Variants in SUMF1 observed in about 807,000 individuals in gnomAD.
SUMF1 encodes formylglycine-generating enzyme.
In SUMF1, 48 loss-of-function variants were observed where a neutral mutation model predicts 47.6. The ratio of observed to expected loss-of-function variants is 1.01; its 90% CI spans 0.80 to 1.28. The LOEUF (loss-of-function observed/expected upper bound fraction) is 1.28, where lower values mean the gene tolerates loss of function less well. Ranked by LOEUF, SUMF1 falls within the 50% of genes most tolerant of loss-of-function variation. The probability of loss-of-function intolerance (pLI) is 0.00; values close to 1 mark genes in which losing one functional copy is unlikely to be tolerated. For synonymous variants in SUMF1, 230 were observed against 192.1 expected (o/e 1.20, Z -1.63); for missense variants, 571 against 485.4 (o/e 1.18, Z -1.66).
intron 1 of SUMF1, among the ~76,000 whole-genome samples, chr3:4,464,763 T>C (rs1182022042): frequency 6.6e-6 from 1 of 152,240 alleles, no homozygotes; most frequent in Non-Finnish European, 1.5e-5. Context: ...CAGCCTCCTA[T>C]GACGTCATTG....
At chr3:4,215,208 C>T (rs1428505846) in intron 8 of SUMF1, among the ~76,000 whole-genome samples, 6 of 152,124 alleles carry the variant, frequency 3.9e-5, no homozygotes, top group African/African-American at 1.2e-4. Flanking sequence ...ACGATCAAGT[C>T]GGCTTCATCT....
At chr3:4,166,527 A>G (rs569116575) in intron 8 of SUMF1, among the ~76,000 whole-genome samples, 22 of 152,300 alleles carry the variant, frequency 1.4e-4, no homozygotes, top group African/African-American at 5.1e-4. Context: ...AAGGGAACAG[A>G]GTCCCAAAAT....
At chr3:4,427,154 A>G (rs997475211) in intron 3 of SUMF1, among the ~76,000 whole-genome samples, 26 of 152,264 alleles carry the variant, frequency 1.7e-4, no homozygotes, top group African/African-American at 6.3e-4. Context: ...CAGGAAAAAG[A>G]AAGCTCTGTA....
chr3:4,155,084 G>A (rs890738274), intron 8 of SUMF1, among the ~76,000 whole-genome samples: 1 of 151,472 alleles, frequency 6.6e-6, no homozygotes, highest in Non-Finnish European at 1.5e-5. Flanking sequence ...GTTTGCTGAG[G>A]AAGACATTAG....
At chr3:4,182,391 T>C in intron 8 of SUMF1, among the ~76,000 whole-genome samples, 1 of 148,662 alleles carries the variant, frequency 6.7e-6, no homozygotes, top group South Asian at 2.1e-4. Context: ...TAATAAATTA[T>C]ATTATAATTT....
chr3:4,164,965 T>C (rs888741384), intron 8 of SUMF1, among the ~76,000 whole-genome samples: 36 of 152,114 alleles, frequency 2.4e-4, no homozygotes, highest in Non-Finnish European at 1.8e-4. Context: ...ATTCATGGGC[T>C]TTTTCCTAAT....
At chr3:4,248,019 A>G (rs1348303877) in intron 8 of SUMF1, among the ~76,000 whole-genome samples, 3 of 152,224 alleles carry the variant, frequency 2.0e-5, no homozygotes, top group African/African-American at 7.2e-5. Context: ...ATATTTTGTA[A>G]AATGCAAATT....
intron 8 of SUMF1, among the ~76,000 whole-genome samples, chr3:4,352,304 C>G (rs532651126): frequency 6.6e-6 from 1 of 152,244 alleles, no homozygotes; most frequent in Non-Finnish European, 1.5e-5. Context: ...CAGTTCCCCC[C>G]CAAAAACTAC....
chr3:4,311,957 G>A (rs1026138150), intron 8 of SUMF1, among the ~76,000 whole-genome samples: 7 of 152,160 alleles, frequency 4.6e-5, no homozygotes, highest in African/African-American at 1.7e-4. Flanking sequence ...CCAGAGATCA[G>A]GCTTCACATA....
intron 7 of SUMF1, among the ~76,000 whole-genome samples, chr3:4,391,085 T>C (rs530586885): frequency 2.0e-5 from 3 of 152,314 alleles, no homozygotes; most frequent in Admixed American, 6.5e-5. Context: ...TTTGATTATG[T>C]CACACCATCA....
At chr3:4,428,909 T>A (rs1486636227) in intron 3 of SUMF1, among the ~76,000 whole-genome samples, 1 of 152,258 alleles carries the variant, frequency 6.6e-6, no homozygotes, top group South Asian at 2.1e-4. Context: ...TTATATTGAA[T>A]GTTTTCATTG....
intron 7 of SUMF1, among the ~76,000 whole-genome samples, chr3:4,395,622 A>T (rs975764762): frequency 1.3e-5 from 2 of 152,190 alleles, no homozygotes; most frequent in Non-Finnish European, 2.9e-5. Context: ...CCAGCATGCC[A>T]TTGTGGTGAT....
chr3:4,065,751 G>A (rs995840881), intron 9 of SUMF1, among the ~76,000 whole-genome samples: 1 of 152,028 alleles, frequency 6.6e-6, no homozygotes, highest in African/African-American at 2.4e-5. Flanking sequence ...AACCCAGCAA[G>A]GCAGGAACAT....
intron 8 of SUMF1, among the ~76,000 whole-genome samples, chr3:4,302,730 G>A (rs1394997238): frequency 6.6e-6 from 1 of 152,118 alleles, no homozygotes; most frequent in Non-Finnish European, 1.5e-5. Flanking sequence ...TCATGTCAGA[G>A]AGCTTCAGTG....
At chr3:4,303,357 C>T (rs1446706245) in intron 8 of SUMF1, 7 of 1,539,720 alleles carry the variant, frequency 4.5e-6, no homozygotes, top group South Asian at 1.3e-5. Flanking sequence ...GTGGGCGTTG[C>T]GTGAGGCGGG....
intron 8 of SUMF1, among the ~76,000 whole-genome samples, chr3:4,284,441 A>AAGGAGG (rs72201582): frequency 1.0e-3 from 92 of 91,710 alleles, no homozygotes; most frequent in African/African-American, 2.2e-3. Context: ...TAAAAAATGA[A>AAGGAGG]AGGAGGAGGA....
intron 8 of SUMF1, among the ~76,000 whole-genome samples, chr3:4,130,431 A>G (rs1693759764): frequency 6.6e-6 from 1 of 152,176 alleles, no homozygotes; most frequent in Non-Finnish European, 1.5e-5. Context: ...TTTGTATCAT[A>G]ATCTTATTCA....
chr3:4,314,369 CA>C (rs201005579), intron 8 of SUMF1: 8,244 of 152,846 alleles, frequency 0.054, 357 homozygotes, highest in Admixed American at 0.11. Flanking sequence ...CCAATTTTAA[CA>C]GTAATAAAGC....
At position 4,456,849 on chromosome 3, in the gene SUMF1, T is replaced by TGTGTGTATATATAC. The variant is rs1559312720; in HGVS notation, c.271-3801_271-3800insGTATATATACACAC. 2.0e-4 allele frequency among the ~76,000 whole-genome samples: 27 copies of TGTGTGTATATATAC among 135,684 alleles called. 1 individual carries two copies. The highest frequency in any genetic ancestry group is 4.9e-4 in the South Asian group (2 of 4,120). The allele number at this position is 135,684 out of a possible 152,430, so 89.0% of individuals were successfully genotyped here. A position where few individuals can be genotyped will look rare whatever the true frequency, so the allele number is the denominator to read the frequency against. On this transcript the variant is annotated intron_variant, in intron 1 of 8. Transcript: ENST00000272902. ...ATATATACGTGTATATATATACGTG[T>TGTGTGTATATATAC]GTGTATATATATGTGTGTGTATATC...
Sources: allele counts gnomAD v4.1 joint callset (sites outside exome capture counted in the v4.1 genomes callset), GRCh38; gene constraint gnomAD v4.1.1; transcripts MANE v1.5; gene names NCBI Gene and HGNC (gene_info 2026-07-23, HGNC 2026-07-21).